Variants in ITGA9 observed in about 807,000 individuals in gnomAD.
The protein encoded by ITGA9 is integrin alpha-9.
In ITGA9, 56 loss-of-function variants were observed where a neutral mutation model predicts 127.8. The ratio of observed to expected loss-of-function variants is 0.44; its 90% CI spans 0.35 to 0.55. ITGA9 has a LOEUF of 0.55. Ranked by LOEUF, ITGA9 falls within the 20% of genes least tolerant of loss-of-function variation. The pLI, the probability that ITGA9 is intolerant of heterozygous loss-of-function variation, is 0.00. For synonymous variants in ITGA9, 508 were observed against 514.5 expected (o/e 0.99, Z 0.17); for missense variants, 1,196 against 1,347.1 (o/e 0.89, Z 1.76).
At chr3:37,768,016 T>A (rs1457807227) in intron 23 of ITGA9, among the ~76,000 whole-genome samples, 4 of 152,224 alleles carry the variant, frequency 2.6e-5, no homozygotes, top group Non-Finnish European at 5.9e-5. Flanking sequence ...GAACAGAGCC[T>A]GTGAGCATCC....
rs1414327825 is a variant in ITGA9 at position 37,712,359 on chromosome 3, C to T, written c.2068-20353C>T. On this transcript the variant is annotated intron_variant, in intron 18 of 27. Coordinates refer to ENST00000264741, the MANE Select transcript of ITGA9 (RefSeq NM_002207.3). ...AGCCATGGTGGCTGGTTGTCCTTCC[C>T]ACTTAGGGAACCAGGCCTCAGAACT... Among the ~76,000 whole-genome samples, 6 of 3,820 alleles carry T rather than the reference C, an allele frequency of 1.6e-3. No individual in the cohort carries two copies. In the Admixed American group the frequency reaches 0.021, roughly 13 times the overall value. The allele number at this position is 3,820 out of a possible 152,430, so 2.5% of individuals were successfully genotyped here. A position where few individuals can be genotyped will look rare whatever the true frequency, so the allele number is the denominator to read the frequency against.
rs377365107 is a variant in ITGA9, at chr3:37,606,071, T to C, written c.1690-23116T>C. On this transcript the variant is annotated intron_variant, in intron 15 of 27. Transcript: ENST00000264741. Reference sequence around the variant, plus strand: ...GGTGCTCGCTAGTCCGGCAGATTGCTGTATTCTTGCACCCTGTACCACAAC... The same window carrying C: ...GGTGCTCGCTAGTCCGGCAGATTGCCGTATTCTTGCACCCTGTACCACAAC... 1.6e-4 allele frequency among the ~76,000 whole-genome samples: 25 copies of C among 152,336 alleles called. 1 individual carries two copies. The South Asian group carries it at 5.2e-3, about 32-fold the overall frequency.
intron 3 of ITGA9, among the ~76,000 whole-genome samples, chr3:37,478,531 T>C (rs1412880001): frequency 6.6e-6 from 1 of 152,238 alleles, no homozygotes; most frequent in Non-Finnish European, 1.5e-5. Context: ...TCCCCTTTCT[T>C]ATGATTAGTT....
chr3:37,549,182 G>C (rs1216924218), intron 15 of ITGA9, among the ~76,000 whole-genome samples: 1 of 152,142 alleles, frequency 6.6e-6, no homozygotes, highest in African/African-American at 2.4e-5. Flanking sequence ...GAAGGGAAAG[G>C]GTGTGGTGAA....
chr3:37,512,120 CTTTCT>C (rs1176263183), intron 8 of ITGA9, among the ~76,000 whole-genome samples: 43 of 39,456 alleles, frequency 1.1e-3, no homozygotes, highest in African/African-American at 1.3e-3. Flanking sequence ...TTCCTTCCTT[CTTTCT>C]TTTCTTTTCT....
At chr3:37,682,768 C>A (rs1425154970) in intron 17 of ITGA9, among the ~76,000 whole-genome samples, 2 of 152,186 alleles carry the variant, frequency 1.3e-5, no homozygotes, top group Non-Finnish European at 2.9e-5. Flanking sequence ...GTCCTTGACT[C>A]CTCTTTTCCT....
intron 15 of ITGA9, among the ~76,000 whole-genome samples, chr3:37,605,700 G>A (rs1362747185): frequency 6.6e-6 from 1 of 152,092 alleles, no homozygotes; most frequent in Non-Finnish European, 1.5e-5. Context: ...AAAGGAGGGG[G>A]ACTCCTGCAA....
chr3:37,545,566 G>C (rs1284569976), intron 15 of ITGA9, among the ~76,000 whole-genome samples: 5 of 152,190 alleles, frequency 3.3e-5, no homozygotes, highest in Admixed American at 6.5e-5. Context: ...CCTCCTGAGG[G>C]GAGGGCAGGT....
chr3:37,660,120 T>C (rs1351554107), intron 17 of ITGA9, among the ~76,000 whole-genome samples: 1 of 152,214 alleles, frequency 6.6e-6, no homozygotes, highest in Non-Finnish European at 1.5e-5. Flanking sequence ...CTTACAAAAT[T>C]ACTTAAAACT....
intron 15 of ITGA9, among the ~76,000 whole-genome samples, chr3:37,610,312 C>T (rs754407892): frequency 1.3e-5 from 2 of 152,090 alleles, no homozygotes; most frequent in African/African-American, 2.4e-5. Flanking sequence ...AATTAAAACT[C>T]ATAGTTCATG....
At position 37,823,446 on chromosome 3, in the gene ITGA9, G is replaced by A. The variant is rs2125572379; in HGVS notation, c.*4457G>A. On this transcript the variant is annotated 3_prime_UTR_variant, in exon 28 of 28. Transcript: ENST00000264741. ...CAGTCACTTCTGATTCACTTGCACT[G>A]TTTGGGAAATGTCAGGTTTACAAAA... is the stretch of plus-strand genomic sequence containing the variant. 6.6e-6 allele frequency: 1 copy of A among 152,290 alleles called. No homozygotes were observed. The highest frequency in any genetic ancestry group is 3.4e-3 in the Middle Eastern group (1 of 294). 9.4% of individuals were successfully genotyped at this position (152,290 alleles called of 1,614,324 possible).
chr3:37,599,081 C>G (rs572796288), intron 15 of ITGA9, among the ~76,000 whole-genome samples: 3 of 152,358 alleles, frequency 2.0e-5, no homozygotes, highest in South Asian at 4.1e-4. Context: ...TGCTAAGAAC[C>G]TCATTCTTAT....
At chr3:37,601,742 C>G (rs1271213276) in intron 15 of ITGA9, among the ~76,000 whole-genome samples, 2 of 152,160 alleles carry the variant, frequency 1.3e-5, no homozygotes, top group African/African-American at 2.4e-5. Context: ...TGTATCAGAA[C>G]TTGTATTTTT....
intron 13 of ITGA9, among the ~76,000 whole-genome samples, chr3:37,528,756 T>C (rs1376960455): frequency 6.6e-6 from 1 of 152,230 alleles, no homozygotes; most frequent in Non-Finnish European, 1.5e-5. Flanking sequence ...TATTGTTTTC[T>C]TTCTGTATTA....
chr3:37,700,120 T>A (rs948979973), intron 18 of ITGA9, among the ~76,000 whole-genome samples: 3 of 151,378 alleles, frequency 2.0e-5, no homozygotes, highest in African/African-American at 7.3e-5. Context: ...GTAGCTGGGA[T>A]TATAGGTGCA....
intron 15 of ITGA9, among the ~76,000 whole-genome samples, chr3:37,620,120 A>G (rs1404797728): frequency 3.9e-5 from 6 of 152,220 alleles, no homozygotes; most frequent in Admixed American, 2.6e-4. Context: ...GAGAACCATC[A>G]TATGTCCAGT....
chr3:37,757,588 C>G (rs1382552888), intron 23 of ITGA9, among the ~76,000 whole-genome samples: 1 of 151,682 alleles, frequency 6.6e-6, no homozygotes, highest in Non-Finnish European at 1.5e-5. Flanking sequence ...AAGGTCAAGG[C>G]TGCAGTGAGC....
intron 26 of ITGA9, among the ~76,000 whole-genome samples, chr3:37,786,284 TG>T (rs1697040056): frequency 6.6e-6 from 1 of 152,220 alleles, no homozygotes; most frequent in African/African-American, 2.4e-5. Flanking sequence ...AGACACCACA[TG>T]TCAAAATGTC....
intron 1 of ITGA9, among the ~76,000 whole-genome samples, chr3:37,456,425 C>T (rs1001498743): frequency 1.3e-5 from 2 of 152,120 alleles, no homozygotes; most frequent in Non-Finnish European, 1.5e-5. Context: ...AGACATGGAC[C>T]GGTTACTCAG....
Sources: allele counts gnomAD v4.1 joint callset (sites outside exome capture counted in the v4.1 genomes callset), GRCh38; gene constraint gnomAD v4.1.1; transcripts MANE v1.5; gene names NCBI Gene and HGNC (gene_info 2026-07-23, HGNC 2026-07-21).